The following RARB variants were observed in gnomAD, a reference collection of about 807,000 sequenced individuals.
The protein encoded by RARB is retinoic acid receptor beta, also known as HBV-activated protein.
Under a neutral mutation model 51.9 loss-of-function variants are expected in RARB, and 17 were observed. That is an observed-to-expected ratio of 0.33 (90% CI 0.22 to 0.49). The LOEUF is 0.49. RARB is among the 20% of genes least tolerant of loss of function. RARB has a pLI of 0.99. For missense variants in RARB, 369 were observed against 550.8 expected (o/e 0.67, Z 3.30); for synonymous variants, 215 against 195.4 (o/e 1.10, Z -0.84).
At chr3:25,290,185 A>G (rs941215103) in intron 5 of RARB, among the ~76,000 whole-genome samples, 1 of 152,162 alleles carries the variant, frequency 6.6e-6, no homozygotes, top group Non-Finnish European at 1.5e-5. Flanking sequence ...TTGAAGACCT[A>G]TCCCCCAGGA....
At chr3:24,890,170 T>C (rs1049363994) in intron 2 of RARB, among the ~76,000 whole-genome samples, 1 of 152,178 alleles carries the variant, frequency 6.6e-6, no homozygotes, top group African/African-American at 2.4e-5. Flanking sequence ...TCCTAGCCTC[T>C]AAAAGCACGA....
chr3:25,216,736 T>G (rs757314025), intron 5 of RARB, among the ~76,000 whole-genome samples: 28 of 151,308 alleles, frequency 1.9e-4, no homozygotes, highest in Non-Finnish European at 3.4e-4. Flanking sequence ...AGGTACTACA[T>G]ATATATATAT....
At chr3:25,174,373 C>T (rs561172451) in exon 5 of RARB, 3 of 1,351,080 alleles carry the variant, frequency 2.2e-6, no homozygotes, top group East Asian at 4.6e-5. Flanking sequence ...CTCCAGAGCA[C>T]CTTTCTTTCT....
chr3:25,247,836 G>A (rs1416898662), intron 5 of RARB, among the ~76,000 whole-genome samples: 2 of 152,210 alleles, frequency 1.3e-5, no homozygotes, highest in Non-Finnish European at 2.9e-5. Flanking sequence ...GTACTGATTA[G>A]AGGGAATGTG....
At chr3:25,566,210 A>G (rs1700487769) in intron 3 of RARB, among the ~76,000 whole-genome samples, 2 of 152,144 alleles carry the variant, frequency 1.3e-5, no homozygotes, top group African/African-American at 4.8e-5. Flanking sequence ...CCATTGAGGG[A>G]AGCAGCTGCT....
chr3:25,580,316 G>C (rs1701117742), intron 4 of RARB, among the ~76,000 whole-genome samples: 1 of 152,238 alleles, frequency 6.6e-6, no homozygotes, highest in Admixed American at 6.5e-5. Flanking sequence ...GGAGGTTGCA[G>C]TGAGCTGAGA....
intron 2 of RARB, among the ~76,000 whole-genome samples, chr3:25,495,407 A>G (rs771302865): frequency 2.0e-4 from 31 of 152,220 alleles, no homozygotes; most frequent in Non-Finnish European, 8.8e-5. Flanking sequence ...ATTTAGGTGT[A>G]AAAAAGACAG....
intron 2 of RARB, among the ~76,000 whole-genome samples, chr3:24,913,926 T>C (rs1695053370): frequency 6.6e-6 from 1 of 152,202 alleles, no homozygotes; most frequent in Admixed American, 6.5e-5. Flanking sequence ...TTTCTTAGAA[T>C]TTAAGCTCTA....
At chr3:25,393,510 T>C (rs1961005) in intron 5 of RARB, among the ~76,000 whole-genome samples, 1 of 152,162 alleles carries the variant, frequency 6.6e-6, no homozygotes, top group Non-Finnish European at 1.5e-5. Flanking sequence ...TGAATCCATC[T>C]GTTCCTGAAC....
chr3:25,347,335 T>C (rs545004203), intron 5 of RARB, among the ~76,000 whole-genome samples: 1 of 152,342 alleles, frequency 6.6e-6, no homozygotes, highest in East Asian at 1.9e-4. Context: ...CATGGCGGAC[T>C]TGACCAGCTA....
At chr3:25,038,351 T>A (rs1467441302) in intron 2 of RARB, among the ~76,000 whole-genome samples, 1 of 151,062 alleles carries the variant, frequency 6.6e-6, no homozygotes, top group South Asian at 2.1e-4. Context: ...ATGAAAAAAA[T>A]TGTCTAATGG....
chr3:25,507,632 C>G (rs916997159), intron 3 of RARB, among the ~76,000 whole-genome samples: 1 of 152,154 alleles, frequency 6.6e-6, no homozygotes, highest in African/African-American at 2.4e-5. Context: ...TTGTGCATGA[C>G]AGAAGCCCAG....
At chr3:25,352,956 A>C (rs1006899981) in intron 5 of RARB, among the ~76,000 whole-genome samples, 4 of 152,166 alleles carry the variant, frequency 2.6e-5, no homozygotes, top group African/African-American at 9.6e-5. Context: ...GATCATGACT[A>C]TCCTGCCTAT....
At chr3:25,025,536 A>C (rs143364087) in intron 2 of RARB, among the ~76,000 whole-genome samples, 4 of 152,298 alleles carry the variant, frequency 2.6e-5, no homozygotes, top group African/African-American at 9.6e-5. Context: ...TAGAAAGTTA[A>C]AGTAGAAACT....
chr3:24,866,865 G>A (rs901127636), intron 2 of RARB, among the ~76,000 whole-genome samples: 1 of 152,086 alleles, frequency 6.6e-6, no homozygotes, highest in Non-Finnish European at 1.5e-5. Context: ...GGAAGCTAGG[G>A]TTTTTCAAGG....
At chr3:25,491,710 G>A (rs1339038362) in intron 2 of RARB, among the ~76,000 whole-genome samples, 1 of 152,166 alleles carries the variant, frequency 6.6e-6, no homozygotes, top group Admixed American at 6.5e-5. Context: ...GGAGACCGAG[G>A]CAGGCAAATC....
chr3:25,020,603 C>T (rs199816994), intron 2 of RARB: 1 of 151,880 alleles, frequency 6.6e-6, no homozygotes, highest in African/African-American at 2.4e-5. Flanking sequence ...AAAGCCCTTT[C>T]TTTTTTTAAA....
At chr3:25,124,268 G>A (rs1005472403) in intron 3 of RARB, among the ~76,000 whole-genome samples, 1 of 152,124 alleles carries the variant, frequency 6.6e-6, no homozygotes, top group African/African-American at 2.4e-5. Context: ...CAGCTACTTG[G>A]GAGGCTGAGA....
chr3:24,963,771 A>C (rs1696194741), intron 2 of RARB, among the ~76,000 whole-genome samples: 2 of 152,036 alleles, frequency 1.3e-5, no homozygotes, highest in Non-Finnish European at 2.9e-5. Context: ...AAAATACCTA[A>C]TACAATTAGG....
Sources: gnomAD v4.1 joint callset for allele counts (sites outside exome capture counted in the v4.1 genomes callset) on GRCh38, gnomAD v4.1.1 for gene constraint, MANE v1.5 for transcripts, NCBI Gene and HGNC (gene_info 2026-07-23, HGNC 2026-07-21) for gene names.